The following FAM78B variants were observed in gnomAD, a reference collection of about 807,000 sequenced individuals.
The protein encoded by FAM78B is protein FAM78B.
FAM78B carries 10 observed loss-of-function variants against 20.0 expected under a neutral mutation model. The observed-to-expected ratio is 0.50, with a 90% confidence interval of 0.31 to 0.85. FAM78B has a LOEUF of 0.85. Among genes scored for constraint, FAM78B ranks in the 40% least tolerant of loss-of-function variants. The pLI is 0.05. For synonymous variants in FAM78B, 135 were observed against 132.8 expected (o/e 1.02, Z -0.12); for missense variants, 283 against 345.0 (o/e 0.82, Z 1.42).
intron 1 of FAM78B, among the ~76,000 whole-genome samples, chr1:166,150,049 A>G (rs1655615875): frequency 6.6e-6 from 1 of 152,142 alleles, no homozygotes; most frequent in African/African-American, 2.4e-5. Context: ...AGAAACCTGG[A>G]GCTAGCTACT....
intron 1 of FAM78B, among the ~76,000 whole-genome samples, chr1:166,095,132 G>GC (rs1557897901): frequency 6.6e-6 from 1 of 152,156 alleles, no homozygotes; most frequent in African/African-American, 2.4e-5. Context: ...CCTTGCAGAA[G>GC]CAAGTCTGCT....
At chr1:166,117,634 T>C (rs1015393109) in intron 1 of FAM78B, among the ~76,000 whole-genome samples, 7 of 152,204 alleles carry the variant, frequency 4.6e-5, no homozygotes, top group African/African-American at 1.7e-4. Flanking sequence ...GTTGTTTTAT[T>C]CAAGGCAGGA....
intron 1 of FAM78B, among the ~76,000 whole-genome samples, chr1:166,133,893 A>G (rs1361753374): frequency 6.6e-6 from 1 of 152,200 alleles, no homozygotes; most frequent in Non-Finnish European, 1.5e-5. Context: ...CGAGGAACTA[A>G]GTGAGATAAC....
chr1:166,140,034 T>G (rs1262684460), intron 1 of FAM78B, among the ~76,000 whole-genome samples: 3 of 152,176 alleles, frequency 2.0e-5, no homozygotes, highest in African/African-American at 7.2e-5. Flanking sequence ...GCAGACCTTT[T>G]CAGAAGACTG....
intron 2 of FAM78B, among the ~76,000 whole-genome samples, chr1:166,061,805 A>G (rs919458748): frequency 4.7e-4 from 72 of 152,178 alleles, no homozygotes; most frequent in Middle Eastern, 3.4e-3. Context: ...TGTGTGACAC[A>G]GAATGACAGA....
intron 1 of FAM78B, among the ~76,000 whole-genome samples, chr1:166,111,840 T>A (rs565163104): frequency 6.6e-6 from 1 of 152,226 alleles, no homozygotes; most frequent in Non-Finnish European, 1.5e-5. Flanking sequence ...TAGAGCAGCG[T>A]CCCTGGCTTC....
chr1:166,071,066 T>TAATC (rs1652009339), intron 1 of FAM78B, among the ~76,000 whole-genome samples: 1 of 152,192 alleles, frequency 6.6e-6, no homozygotes, highest in African/African-American at 2.4e-5. Context: ...TAGATGATGG[T>TAATC]AATCAGCAGT....
intron 1 of FAM78B, among the ~76,000 whole-genome samples, chr1:166,159,793 T>G (rs1557922481): frequency 6.6e-6 from 1 of 152,214 alleles, no homozygotes; most frequent in Non-Finnish European, 1.5e-5. Flanking sequence ...CCCCTATCTC[T>G]CCAACTCCTC....
intron 1 of FAM78B, among the ~76,000 whole-genome samples, chr1:166,142,809 A>G (rs1655327430): frequency 6.6e-6 from 1 of 152,216 alleles, no homozygotes; most frequent in Non-Finnish European, 1.5e-5. Context: ...TGAATACCAC[A>G]GGCCTAGAAG....
At chr1:166,103,989 C>A (rs146442763) in intron 1 of FAM78B, among the ~76,000 whole-genome samples, 1 of 152,056 alleles carries the variant, frequency 6.6e-6, no homozygotes, top group African/African-American at 2.4e-5. Flanking sequence ...GCAACACATC[C>A]AAAAGCTTAT....
chr1:166,145,409 G>A (rs1001971813), intron 1 of FAM78B, among the ~76,000 whole-genome samples: 1 of 152,216 alleles, frequency 6.6e-6, no homozygotes, highest in African/African-American at 2.4e-5. Context: ...CCTGTAGGTT[G>A]GCACCAGGTG....
chr1:166,122,510 C>T (rs890594855), intron 1 of FAM78B, among the ~76,000 whole-genome samples: 1 of 152,192 alleles, frequency 6.6e-6, no homozygotes, highest in African/African-American at 2.4e-5. Context: ...TATAAGCCAA[C>T]TCATATCTCA....
chr1:166,073,535 TC>T (rs756879953), intron 1 of FAM78B, among the ~76,000 whole-genome samples: 247 of 127,256 alleles, frequency 1.9e-3, no homozygotes, highest in Non-Finnish European at 3.1e-3. Flanking sequence ...TCTCTTTCTC[TC>T]TTTTTTTTTT....
At chr1:166,067,139 T>C (rs2101705824), downstream of FAM78B, among the ~76,000 whole-genome samples, 1 of 152,232 alleles carries the variant, frequency 6.6e-6, no homozygotes, top group Middle Eastern at 3.4e-3. Flanking sequence ...ATGATGATAA[T>C]GTTTTGGTTG....
chr1:166,058,889 T>C lies in FAM78B; in HGVS notation c.*2184A>G, dbSNP rs565676181. ...GCTGCTGCATTGTGGACCCAAATCC[T>C]AGATGGCTGAGGAGGTTGGTTGTTG... On this transcript the variant is annotated 3_prime_UTR_variant and NMD_transcript_variant, in exon 3 of 3. Transcript: ENST00000435676. 5 of 152,596 alleles carry C rather than the reference T, an allele frequency of 3.3e-5. No homozygotes were observed. In the East Asian group the frequency reaches 9.8e-4, roughly 30 times the overall value. 9.5% of individuals were successfully genotyped at this position (152,596 alleles called of 1,614,324 possible). A position where few individuals can be genotyped will look rare whatever the true frequency, so the allele number is the denominator to read the frequency against.
At chr1:166,117,354 CT>C (rs1022671142) in intron 1 of FAM78B, among the ~76,000 whole-genome samples, 7 of 152,080 alleles carry the variant, frequency 4.6e-5, no homozygotes, top group African/African-American at 1.7e-4. Context: ...CACTTTTTCT[CT>C]TTTTTTCTTT....
chr1:166,085,019 T>G (rs1652767752), intron 1 of FAM78B, among the ~76,000 whole-genome samples: 1 of 152,174 alleles, frequency 6.6e-6, no homozygotes, highest in Admixed American at 6.5e-5. Context: ...ACTTATTTCT[T>G]TTTACCTTAT....
chr1:166,146,342 T>A (rs925950514), intron 1 of FAM78B, among the ~76,000 whole-genome samples: 3 of 152,220 alleles, frequency 2.0e-5, no homozygotes, highest in African/African-American at 7.2e-5. Flanking sequence ...ATTTCTTCTA[T>A]GTTGAATCAA....
At chr1:166,082,949 A>G (rs1652639954) in intron 1 of FAM78B, among the ~76,000 whole-genome samples, 1 of 152,068 alleles carries the variant, frequency 6.6e-6, no homozygotes, top group African/African-American at 2.4e-5. Context: ...CTAAGCTGGG[A>G]GAGGATGTAG....
Sources: gnomAD v4.1 joint callset for allele counts (sites outside exome capture counted in the v4.1 genomes callset) on GRCh38, gnomAD v4.1.1 for gene constraint, MANE v1.5 for transcripts, NCBI Gene and HGNC (gene_info 2026-07-23, HGNC 2026-07-21) for gene names.